The following KCNJ3 variants were observed in gnomAD, a reference collection of about 807,000 sequenced individuals.
KCNJ3 encodes potassium inwardly rectifying channel subfamily J member 3.
KCNJ3 carries 4 observed loss-of-function variants against 39.2 expected under a neutral mutation model. That is an observed-to-expected ratio of 0.10 (90% confidence interval 0.05 to 0.23). The LOEUF (loss-of-function observed/expected upper bound fraction) is 0.23. Among genes scored for constraint, KCNJ3 ranks in the 10% least tolerant of loss-of-function variants. The probability of loss-of-function intolerance (pLI) is 1.00; values close to 1 mark genes in which losing one functional copy is unlikely to be tolerated. For missense variants in KCNJ3, 276 were observed against 634.9 expected (o/e 0.43, Z 6.08); for synonymous variants, 230 against 237.4 (o/e 0.97, Z 0.29).
chr2:154,777,245 A>T (rs1052489564), intron 2 of KCNJ3, among the ~76,000 whole-genome samples: 1 of 152,076 alleles, frequency 6.6e-6, no homozygotes, highest in Non-Finnish European at 1.5e-5. Flanking sequence ...AGGCCTCATT[A>T]TTTTCCTGTG....
intron 2 of KCNJ3, among the ~76,000 whole-genome samples, chr2:154,804,644 T>C (rs950509214): frequency 1.3e-5 from 2 of 152,108 alleles, no homozygotes; most frequent in Non-Finnish European, 1.5e-5. Flanking sequence ...GCTGTTTATA[T>C]AGCATCCAAC....
Position 154,836,240 on chromosome 2 carries a change from A to C in KCNJ3, c.920-18487A>C, listed in dbSNP as rs1183164937. Among the ~76,000 whole-genome samples the C allele has an allele frequency of 7.8e-4, 72 of 92,016 alleles. 2 individuals carry two copies. The highest frequency in any genetic ancestry group is 2.4e-3 in the East Asian group (4 of 1,692). 60.4% of individuals were successfully genotyped at this position (92,016 alleles called of 152,430 possible). A position where few individuals can be genotyped will look rare whatever the true frequency, so the allele number is the denominator to read the frequency against. ...AAAACAAAAAAAAACAAAAAAAAAA[A>C]CAAAAAAAAACAACTAGGAGAAAAT... On this transcript the variant is annotated intron_variant, in intron 2 of 2. Coordinates refer to ENST00000295101, the MANE Select transcript of KCNJ3 (RefSeq NM_002239.4).
chr2:154,735,587 T>C (rs1685517085), intron 2 of KCNJ3, among the ~76,000 whole-genome samples: 1 of 152,192 alleles, frequency 6.6e-6, no homozygotes, highest in South Asian at 2.1e-4. Context: ...TTTCTTTCAG[T>C]TAATATAATT....
At chr2:154,817,382 G>T (rs1271759089) in intron 2 of KCNJ3, among the ~76,000 whole-genome samples, 1 of 152,124 alleles carries the variant, frequency 6.6e-6, no homozygotes, top group Admixed American at 6.6e-5. Context: ...TTTCACTGAG[G>T]TTTATGTTAG....
At chr2:154,822,723 A>G (rs1041729455) in intron 2 of KCNJ3, among the ~76,000 whole-genome samples, 2 of 152,018 alleles carry the variant, frequency 1.3e-5, no homozygotes, top group African/African-American at 4.8e-5. Context: ...TAAATATATA[A>G]TTTTAAATTG....
chr2:154,794,900 C>T (rs557340256), intron 2 of KCNJ3, among the ~76,000 whole-genome samples: 9 of 152,032 alleles, frequency 5.9e-5, no homozygotes, highest in South Asian at 2.1e-4. Flanking sequence ...GCCTACTACT[C>T]GTGTTAACAA....
intron 2 of KCNJ3, among the ~76,000 whole-genome samples, chr2:154,719,669 T>C (rs2105158969): frequency 1.3e-5 from 2 of 152,256 alleles, no homozygotes; most frequent in South Asian, 4.1e-4. Context: ...GAGAATATCA[T>C]TATGCTTACA....
Position 154,746,091 on chromosome 2 carries a change from C to T in KCNJ3, c.919+36272C>T, listed in dbSNP as rs543083665. Reference sequence around the variant, plus strand: ...ACTTGAACATGACAAGAATGAATACCTTTATGATGACCCACTTCTACTTAA... The same window carrying T: ...ACTTGAACATGACAAGAATGAATACTTTTATGATGACCCACTTCTACTTAA... On this transcript the variant is annotated intron_variant, in intron 2 of 2. Transcript: ENST00000295101. 2.2e-4 allele frequency among the ~76,000 whole-genome samples: 34 copies of T among 151,798 alleles called. 1 individual carries two copies. The highest frequency in any genetic ancestry group is 2.9e-4 in the Non-Finnish European group (20 of 67,924).
At chr2:154,709,566 G>C in intron 1 of KCNJ3, 37 bp from the exon 2 acceptor site, 2 of 1,598,062 alleles carry the variant, frequency 1.3e-6, no homozygotes, top group Non-Finnish European at 1.7e-6. Flanking sequence ...TTCAGTACAA[G>C]TGGTGATTTC....
chr2:154,732,724 A>G (rs550866235), intron 2 of KCNJ3, among the ~76,000 whole-genome samples: 9 of 152,188 alleles, frequency 5.9e-5, no homozygotes, highest in African/African-American at 1.2e-4. Context: ...GCTCATTTCT[A>G]TCTTCTTTGC....
At chr2:154,711,078 GA>G (rs1422968079) in intron 2 of KCNJ3, among the ~76,000 whole-genome samples, 1 of 151,932 alleles carries the variant, frequency 6.6e-6, no homozygotes, top group Admixed American at 6.6e-5. Flanking sequence ...TAAGGGCAGT[GA>G]AAAAAGATTT....
intron 2 of KCNJ3, among the ~76,000 whole-genome samples, chr2:154,791,490 G>A (rs754123516): frequency 6.6e-6 from 1 of 151,984 alleles, no homozygotes; most frequent in African/African-American, 2.4e-5. Flanking sequence ...TATAAAACTT[G>A]TCTGAGTTCA....
intron 2 of KCNJ3, among the ~76,000 whole-genome samples, chr2:154,734,609 T>C (rs1483792217): frequency 6.6e-6 from 1 of 152,298 alleles, no homozygotes; most frequent in Non-Finnish European, 1.5e-5. Context: ...CAAGATAGAA[T>C]GGAGAAGTGC....
intron 2 of KCNJ3, among the ~76,000 whole-genome samples, chr2:154,728,918 C>T (rs538515108): frequency 5.9e-5 from 9 of 152,102 alleles, no homozygotes; most frequent in African/African-American, 2.2e-4. Flanking sequence ...AATACTAAAA[C>T]ATGTTAGTGG....
intron 2 of KCNJ3, among the ~76,000 whole-genome samples, chr2:154,770,887 TTTTTC>T (rs1686229458): frequency 8.1e-6 from 1 of 123,522 alleles, no homozygotes; most frequent in South Asian, 2.6e-4. Context: ...TTCTTTTTTC[TTTTTC>T]TTTTTTTTTT....
At chr2:154,716,298 T>TTTTTTTTTTC (rs5835536) in intron 2 of KCNJ3, among the ~76,000 whole-genome samples, 1 of 135,024 alleles carries the variant, frequency 7.4e-6, no homozygotes, top group Non-Finnish European at 1.6e-5. Context: ...TTTTTTTTTT[T>TTTTTTTTTTC]GTATTTTTAG....
chr2:154,807,288 G>A (rs1384520055), intron 2 of KCNJ3, among the ~76,000 whole-genome samples: 1 of 152,136 alleles, frequency 6.6e-6, no homozygotes, highest in Non-Finnish European at 1.5e-5. Context: ...CAGCAGGCTT[G>A]GGGGGAAGAA....
chr2:154,716,368 G>A (rs543204596), intron 2 of KCNJ3, among the ~76,000 whole-genome samples: 4 of 144,894 alleles, frequency 2.8e-5, no homozygotes, highest in Admixed American at 7.3e-5. Context: ...CTCATGATTC[G>A]CCTGCCTCGG....
intron 2 of KCNJ3, among the ~76,000 whole-genome samples, chr2:154,799,305 A>G (rs1686771469): frequency 1.3e-5 from 2 of 152,120 alleles, no homozygotes; most frequent in Middle Eastern, 3.4e-3. Context: ...ACGCCCAGCT[A>G]ATTTTTGCAT....
Sources: gnomAD v4.1 joint callset for allele counts (sites outside exome capture counted in the v4.1 genomes callset) on GRCh38, gnomAD v4.1.1 for gene constraint, MANE v1.5 for transcripts, NCBI Gene and HGNC (gene_info 2026-07-23, HGNC 2026-07-21) for gene names.